Variants in PTPRD observed in about 807,000 individuals in gnomAD.
PTPRD encodes the protein protein tyrosine phosphatase receptor type D, also known as receptor-type tyrosine-protein phosphatase delta.
PTPRD carries 34 observed loss-of-function variants against 214.5 expected under a neutral mutation model. The ratio of observed to expected loss-of-function variants is 0.16; its 90% CI spans 0.12 to 0.21. The LOEUF (loss-of-function observed/expected upper bound fraction) is 0.21. Among genes scored for constraint, PTPRD ranks in the 10% least tolerant of loss-of-function variants. The pLI is 1.00. For synonymous variants in PTPRD, 1,128 were observed against 845.7 expected, an observed-to-expected ratio of 1.33 and a Z score of -5.79; for missense variants, 2,545 against 2,398.7, an observed-to-expected ratio of 1.06 and a Z score of -1.27.
At chr9:9,951,798 T>C (rs1029511702) in intron 4 of PTPRD, among the ~76,000 whole-genome samples, 4 of 152,220 alleles carry the variant, frequency 2.6e-5, no homozygotes, top group Admixed American at 6.5e-5. Flanking sequence ...CCAGTATTTA[T>C]AGCAGGAAAC....
chr9:9,426,384 T>C (rs1284325630), intron 8 of PTPRD, among the ~76,000 whole-genome samples: 2 of 152,118 alleles, frequency 1.3e-5, no homozygotes, highest in African/African-American at 4.8e-5. Flanking sequence ...TTGCTGAGGC[T>C]TGAGTAGGTA....
At chr9:9,980,073 T>C (rs2095488389) in intron 4 of PTPRD, among the ~76,000 whole-genome samples, 1 of 152,120 alleles carries the variant, frequency 6.6e-6, no homozygotes, top group Non-Finnish European at 1.5e-5. Context: ...AAATATTTAT[T>C]AAACAAGAAC....
chr9:9,665,156 A>G (rs1204396202), intron 7 of PTPRD, among the ~76,000 whole-genome samples: 1 of 151,734 alleles, frequency 6.6e-6, no homozygotes, highest in Non-Finnish European at 1.5e-5. Flanking sequence ...AATTACTCAG[A>G]AAGTACTAGC....
At chr9:9,129,388 T>C (rs974410695) in intron 10 of PTPRD, among the ~76,000 whole-genome samples, 2 of 152,052 alleles carry the variant, frequency 1.3e-5, no homozygotes, top group African/African-American at 4.8e-5. Context: ...TCCGTCTCAA[T>C]AAATAAATAA....
At chr9:9,387,357 TA>T (rs1385510934) in intron 9 of PTPRD, among the ~76,000 whole-genome samples, 2 of 152,180 alleles carry the variant, frequency 1.3e-5, no homozygotes, top group Non-Finnish European at 2.9e-5. Flanking sequence ...TGGTGAATGT[TA>T]TTTTTTTTCT....
intron 5 of PTPRD, among the ~76,000 whole-genome samples, chr9:9,825,447 AAGAG>A (rs1170849720): frequency 6.6e-6 from 1 of 151,438 alleles, no homozygotes. Flanking sequence ...GGAAGAAAGA[AAGAG>A]AAAGAGAGAA....
chr9:10,377,457 C>T (rs1049433109), intron 2 of PTPRD, among the ~76,000 whole-genome samples: 20 of 151,364 alleles, frequency 1.3e-4, no homozygotes, highest in Non-Finnish European at 2.2e-4. Flanking sequence ...CACCCCACAA[C>T]AGGCCCCGGT....
intron 2 of PTPRD, among the ~76,000 whole-genome samples, chr9:10,363,991 G>GTTT (rs71270610): frequency 5.7e-5 from 2 of 35,132 alleles, no homozygotes; most frequent in African/African-American, 1.2e-4. Context: ...ACATTTTCGG[G>GTTT]TTTTTTTTTT....
At chr9:10,560,790 T>C (rs2063764842) in intron 2 of PTPRD, among the ~76,000 whole-genome samples, 1 of 152,088 alleles carries the variant, frequency 6.6e-6, no homozygotes, top group Non-Finnish European at 1.5e-5. Context: ...ATTTAGTTCC[T>C]CTGTCACACT....
intron 34 of PTPRD, among the ~76,000 whole-genome samples, chr9:8,440,111 A>G (rs2095498361): frequency 6.6e-6 from 1 of 150,714 alleles, no homozygotes; most frequent in Admixed American, 6.6e-5. Flanking sequence ...TTTTTTTCCC[A>G]TTTAGAAATC....
At position 8,486,153 on chromosome 9, in the gene PTPRD, T is replaced by C. The variant is rs1189195644; in HGVS notation, c.2664A>G (p.Gly888=). The change falls in exon 28 of 46, where the codon GGA becomes GGG. Residue 888 remains glycine (G), a synonymous_variant. Transcript: ENST00000381196. Reference sequence around the variant, plus strand: ...CTGAGAGCCTGAAGACGTATGATGCTCCCTTGTGGATGTCTGTAGCTGTAA... The same window carrying C: ...CTGAGAGCCTGAAGACGTATGATGCCCCCTTGTGGATGTCTGTAGCTGTAA... The part of the protein sequence containing the change: ...DHFTATDIHK[G]ASYVFRLSAR... 2 of 1,614,160 alleles carry C rather than the reference T, an allele frequency of 1.2e-6. No individual in the cohort carries two copies. Among genetic ancestry groups the C allele is most frequent in the Non-Finnish European group, 1.7e-6 (2 of 1,180,020 alleles).
intron 39 of PTPRD, among the ~76,000 whole-genome samples, chr9:8,347,234 A>G (rs1006168051): frequency 5.9e-5 from 9 of 152,140 alleles, no homozygotes; most frequent in African/African-American, 1.9e-4. Context: ...AGGTTTTTAC[A>G]TATTTACCAG....
rs570962439 is a variant in PTPRD, at chr9:9,178,193, G to C, written c.-143+5111C>G. On this transcript the variant is annotated intron_variant, in intron 10 of 45. Coordinates refer to ENST00000381196, the MANE Select transcript of PTPRD (RefSeq NM_002839.4). ...TCAGAGTGTGGCTGACTGTGTGTGT[G>C]TGTGTCTCAGGAAAGTAGCCTACAA... 7.2e-5 allele frequency among the ~76,000 whole-genome samples: 11 copies of C among 152,204 alleles called. No homozygotes were observed. In the East Asian group the frequency reaches 1.9e-3, roughly 27 times the overall value.
chr9:9,695,207 A>C (rs1198123430), intron 7 of PTPRD, among the ~76,000 whole-genome samples: 3 of 152,226 alleles, frequency 2.0e-5, no homozygotes, highest in Admixed American at 6.5e-5. Flanking sequence ...CTTCCCTCCA[A>C]GGCACTGGGT....
At chr9:10,232,741 A>T (rs1272178287) in intron 3 of PTPRD, among the ~76,000 whole-genome samples, 1 of 151,992 alleles carries the variant, frequency 6.6e-6, no homozygotes, top group African/African-American at 2.4e-5. Flanking sequence ...AGAATACAAC[A>T]AACTGATAGG....
Position 9,600,204 on chromosome 9 carries a change from G to A in PTPRD, c.-286-25423C>T, listed in dbSNP as rs113215985. On this transcript the variant is annotated intron_variant, in intron 7 of 45. Coordinates refer to ENST00000381196, the MANE Select transcript of PTPRD (RefSeq NM_002839.4). ...AAAGACTTTCTAGCAAGGTCTTTGT[G>A]ACACAAATTATTTGCCAGGATAATA... Among the ~76,000 whole-genome samples, 11 of 152,178 alleles carry A rather than the reference G, an allele frequency of 7.2e-5. 1 individual carries two copies. The highest frequency in any genetic ancestry group is 2.6e-4 in the African/African-American group (11 of 41,542).
At chr9:8,646,205 A>T (rs986653164) in intron 12 of PTPRD, among the ~76,000 whole-genome samples, 1 of 152,196 alleles carries the variant, frequency 6.6e-6, no homozygotes, top group African/African-American at 2.4e-5. Flanking sequence ...TGATGCCATG[A>T]TATCCATAGC....
intron 2 of PTPRD, among the ~76,000 whole-genome samples, chr9:10,442,989 T>C (rs75354917): frequency 0.076 from 11,464 of 151,044 alleles, 703 homozygotes; most frequent in African/African-American, 0.16. Flanking sequence ...TTTTGAGGGA[T>C]CAAGTAGAAT....
intron 8 of PTPRD, among the ~76,000 whole-genome samples, chr9:9,558,783 C>A (rs1231309635): frequency 6.6e-6 from 1 of 152,166 alleles, no homozygotes; most frequent in African/African-American, 2.4e-5. Flanking sequence ...GCAGAAGGAG[C>A]ACCCCAGGTA....
Sources: allele counts gnomAD v4.1 joint callset (sites outside exome capture counted in the v4.1 genomes callset), GRCh38; gene constraint gnomAD v4.1.1; transcripts MANE v1.5; gene names NCBI Gene and HGNC (gene_info 2026-07-23, HGNC 2026-07-21).